Variants in RIT2 observed in about 807,000 individuals in gnomAD.
The protein encoded by RIT2 is GTP-binding protein Rit2.
In RIT2, 24 loss-of-function variants were observed where a neutral mutation model predicts 23.7. That is an observed-to-expected ratio of 1.01 (90% CI 0.73 to 1.43). The LOEUF (loss-of-function observed/expected upper bound fraction) is 1.43, where lower values mean the gene tolerates loss of function less well. Ranked by LOEUF, RIT2 falls within the 40% of genes most tolerant of loss-of-function variation. RIT2 has a pLI of 0.00. For synonymous variants in RIT2, 107 were observed against 91.1 expected, an observed-to-expected ratio of 1.17 and a Z score of -0.99; for missense variants, 236 against 266.9, an observed-to-expected ratio of 0.88 and a Z score of 0.81.
At chr18:42,752,006 C>G (rs941462005) in intron 4 of RIT2, among the ~76,000 whole-genome samples, 1 of 151,838 alleles carries the variant, frequency 6.6e-6, no homozygotes, top group African/African-American at 2.4e-5. Context: ...TCATACCTAC[C>G]TTTGAGCTTG....
At chr18:42,903,978 A>G (rs1908546129) in intron 4 of RIT2, among the ~76,000 whole-genome samples, 1 of 152,108 alleles carries the variant, frequency 6.6e-6, no homozygotes, top group African/African-American at 2.4e-5. Flanking sequence ...AGACAATAAT[A>G]AAAATTAGGA....
At chr18:42,850,076 CGTGTGTGT>C (rs60962443) in intron 4 of RIT2, among the ~76,000 whole-genome samples, 10 of 142,660 alleles carry the variant, frequency 7.0e-5, no homozygotes, top group South Asian at 2.3e-4. Context: ...AAAATACACC[CGTGTGTGT>C]GTGTGTGTGT....
intron 2 of RIT2, among the ~76,000 whole-genome samples, chr18:42,994,156 C>T (rs1910921673): frequency 6.6e-6 from 1 of 152,096 alleles, no homozygotes; most frequent in African/African-American, 2.4e-5. Flanking sequence ...TTCCTTTGCA[C>T]CCTTCATCCC....
At chr18:43,092,778 T>A (rs1283295461) in intron 1 of RIT2, among the ~76,000 whole-genome samples, 8 of 152,056 alleles carry the variant, frequency 5.3e-5, no homozygotes, top group Admixed American at 6.6e-5. Context: ...TATTATGTAA[T>A]TGCAAGCAAC....
intron 4 of RIT2, among the ~76,000 whole-genome samples, chr18:42,767,698 C>G (rs1913457274): frequency 6.6e-6 from 1 of 152,102 alleles, no homozygotes; most frequent in South Asian, 2.1e-4. Flanking sequence ...TCTGACCCCA[C>G]CCAGATCTCA....
At chr18:43,100,981 G>A (rs1913669772) in intron 1 of RIT2, among the ~76,000 whole-genome samples, 1 of 151,688 alleles carries the variant, frequency 6.6e-6, no homozygotes, top group African/African-American at 2.4e-5. Flanking sequence ...AGACATATAT[G>A]TGTGTGTGTT....
chr18:43,081,973 A>G (rs897030614), intron 1 of RIT2, among the ~76,000 whole-genome samples: 3 of 152,070 alleles, frequency 2.0e-5, no homozygotes, highest in African/African-American at 7.2e-5. Flanking sequence ...TAGGCTAAAC[A>G]CAGGTTACTC....
At chr18:42,929,955 G>A (rs1253065530) in intron 3 of RIT2, among the ~76,000 whole-genome samples, 1 of 152,156 alleles carries the variant, frequency 6.6e-6, no homozygotes, top group East Asian at 1.9e-4. Flanking sequence ...CGCAAAGATG[G>A]ATGTTCCAGG....
chr18:42,935,783 A>T (rs1052787841), intron 3 of RIT2, among the ~76,000 whole-genome samples: 1 of 152,060 alleles, frequency 6.6e-6, no homozygotes, highest in Admixed American at 6.6e-5. Flanking sequence ...CTCCACAGGG[A>T]GGGAGCGGGC....
intron 4 of RIT2, among the ~76,000 whole-genome samples, chr18:42,913,344 A>G (rs981011839): frequency 5.3e-5 from 8 of 151,918 alleles, no homozygotes; most frequent in Non-Finnish European, 7.4e-5. Context: ...CTGAGATTTG[A>G]TACCAAAGCC....
intron 4 of RIT2, among the ~76,000 whole-genome samples, chr18:42,899,064 A>C (rs1185352327): frequency 6.6e-6 from 1 of 152,022 alleles, no homozygotes; most frequent in Non-Finnish European, 1.5e-5. Flanking sequence ...TTTTGCGACT[A>C]TGTAAACATC....
intron 4 of RIT2, among the ~76,000 whole-genome samples, chr18:42,921,569 C>T (rs987357654): frequency 6.6e-6 from 1 of 151,984 alleles, no homozygotes; most frequent in Admixed American, 6.6e-5. Flanking sequence ...TAAGACAGGG[C>T]CTGGAGAGTG....
At chr18:42,954,580 A>G (rs1216186516) in intron 3 of RIT2, among the ~76,000 whole-genome samples, 2 of 152,012 alleles carry the variant, frequency 1.3e-5, no homozygotes, top group Non-Finnish European at 2.9e-5. Flanking sequence ...AGCTCCATAT[A>G]ATGTAGACTT....
rs1242191172 is a variant in RIT2, at chr18:42,743,545, AG to A, written c.601del (p.Leu201CysfsTer9). 3.7e-6 allele frequency: 6 copies of A among 1,613,906 alleles called. No individual in the cohort carries two copies. The highest frequency in any genetic ancestry group is 1.7e-5 in the Admixed American group (1 of 59,988). ...CAAAGAACCTTTGAGCTTCTTCCACAGGCTGTCTTTTCTCTTCAGTTTCTTT... is the reference window on the plus strand; with the variant it reads ...CAAAGAACCTTTGAGCTTCTTCCACAGCTGTCTTTTCTCTTCAGTTTCTTT... ...MEKKLKRKDS[L>X]WKKLKGSLKK... On this transcript the variant is annotated frameshift_variant, in exon 5 of 5. Coordinates refer to ENST00000326695, the MANE Select transcript of RIT2 (RefSeq NM_002930.4). LOFTEE classifies it high-confidence loss of function.
chr18:43,082,012 C>T (rs905195960), intron 1 of RIT2, among the ~76,000 whole-genome samples: 3 of 151,944 alleles, frequency 2.0e-5, no homozygotes, highest in Admixed American at 6.6e-5. Context: ...TTAAGATAGT[C>T]GTAATCTGGT....
chr18:42,824,738 C>G (rs936251362), intron 4 of RIT2, among the ~76,000 whole-genome samples: 1 of 149,950 alleles, frequency 6.7e-6, no homozygotes, highest in Non-Finnish European at 1.5e-5. Flanking sequence ...AGTTTAAAAC[C>G]TGTAGGGGCT....
chr18:42,926,238 A>G (rs1297276397), intron 3 of RIT2, among the ~76,000 whole-genome samples: 1 of 151,902 alleles, frequency 6.6e-6, no homozygotes, highest in Non-Finnish European at 1.5e-5. Context: ...ATTTTCAACA[A>G]TGCTGCTTAT....
chr18:43,075,727 A>G lies in RIT2; in HGVS notation c.103+39690T>C, dbSNP rs572859709. Among the ~76,000 whole-genome samples the G allele has an allele frequency of 2.0e-5, 3 of 152,112 alleles. No homozygotes were observed. In the East Asian group the frequency reaches 5.8e-4, roughly 29 times the overall value. On this transcript the variant is annotated intron_variant, in intron 1 of 4. Coordinates refer to ENST00000326695, the MANE Select transcript of RIT2 (RefSeq NM_002930.4). ...GCAACCACCTTTTCAATTTGCTGCC[A>G]TTTTGCCTCTTGCCACGAAGTTTCA...
At chr18:43,035,720 C>T (rs923876099) in intron 1 of RIT2, among the ~76,000 whole-genome samples, 6 of 152,146 alleles carry the variant, frequency 3.9e-5, no homozygotes, top group African/African-American at 1.2e-4. Context: ...TTTGTTTAAC[C>T]AGAATCACCT....
Sources: allele counts gnomAD v4.1 joint callset (sites outside exome capture counted in the v4.1 genomes callset), GRCh38; gene constraint gnomAD v4.1.1; transcripts MANE v1.5; gene names NCBI Gene and HGNC (gene_info 2026-07-23, HGNC 2026-07-21).